INSC: variants seen among roughly 807,000 people sequenced by gnomAD.
The protein encoded by INSC is protein inscuteable homolog.
In INSC, 67 loss-of-function variants were observed where a neutral mutation model predicts 58.6. That is an observed-to-expected ratio of 1.14 (90% CI 0.94 to 1.40). The LOEUF (loss-of-function observed/expected upper bound fraction) is 1.40, where lower values mean the gene tolerates loss of function less well. Among genes scored for constraint, INSC ranks in the 40% most tolerant of loss-of-function variants. INSC has a pLI of 0.00. For synonymous variants in INSC, 262 were observed against 276.1 expected, an observed-to-expected ratio of 0.95 and a Z score of 0.51; for missense variants, 714 against 692.0, an observed-to-expected ratio of 1.03 and a Z score of -0.36.
chr11:15,181,553 A>G (rs369371498), intron 5 of INSC, among the ~76,000 whole-genome samples: 2 of 152,214 alleles, frequency 1.3e-5, no homozygotes, highest in East Asian at 3.9e-4. Context: ...AAAGAAACCC[A>G]GCTCCCCACA....
At chr11:15,118,786 GAGAT>G (rs1372233761) in intron 1 of INSC, among the ~76,000 whole-genome samples, 3 of 152,208 alleles carry the variant, frequency 2.0e-5, no homozygotes, top group African/African-American at 4.8e-5. Flanking sequence ...AGCATTGTGT[GAGAT>G]AGTTAGGACT....
At chr11:15,216,398 C>T (rs983316074) in intron 7 of INSC, among the ~76,000 whole-genome samples, 2 of 152,200 alleles carry the variant, frequency 1.3e-5, no homozygotes, top group Non-Finnish European at 2.9e-5. Flanking sequence ...CCCTCTCTAT[C>T]TCACTTTCTC....
chr11:15,200,858 G>T lies in INSC; in HGVS notation c.728G>T (p.Arg243Leu). The T allele has an allele frequency of 6.2e-7, 1 of 1,613,964 alleles. No individual in the cohort carries two copies. The highest frequency in any genetic ancestry group is 8.5e-7 in the Non-Finnish European group (1 of 1,179,998). ...GGVVALFKVC[R>L]QDSFRCLYPQ... is the part of the protein sequence containing the mutation. The stretch of plus-strand genomic sequence containing the variant: ...GTCGTAGCACTCTTCAAGGTTTGCC[G>T]GCAGGACAGTTTCCGGTGCTTGTAC... Residue 243 changes from arginine to leucine, a missense_variant, in exon 7 of 13, where the codon CGG (arginine) becomes CTG (leucine). Arg to Leu is a moderately radical substitution (Grantham distance 102, BLOSUM62 -2). Transcript: ENST00000379556.
rs765115884 is a variant in INSC, at chr11:15,221,645, G to A, written c.988G>A (p.Val330Ile). ...ESMEEIVTAL[V>I]KLCQEASSGE... ...CATGGAGGAGATCGTGACAGCCCTC[G>A]TCAGTGAGTCACCCTGGGCAGCGGG... Residue 330 changes from valine to isoleucine, a missense_variant, in exon 8 of 13, where the codon GTC becomes ATC. Physicochemically the swap from Val to Ile is conservative, Grantham distance 29. Transcript: ENST00000379556. The A allele has an allele frequency of 1.8e-5, 29 of 1,609,320 alleles. No individual in the cohort carries two copies. The African/African-American group carries it at 3.6e-4, about 20-fold the overall frequency.
chr11:15,132,219 C>T (rs1848141823), intron 1 of INSC, among the ~76,000 whole-genome samples: 1 of 152,116 alleles, frequency 6.6e-6, no homozygotes, highest in Admixed American at 6.5e-5. Context: ...TAGTCATATT[C>T]TTCTAAATTC....
intron 5 of INSC, among the ~76,000 whole-genome samples, chr11:15,178,821 C>T (rs1849664314): frequency 6.6e-6 from 1 of 152,188 alleles, no homozygotes; most frequent in Admixed American, 6.5e-5. Context: ...TCCCTGAGGT[C>T]TTTTGCTTTC....
chr11:15,150,322 T>G (rs535167996), intron 2 of INSC, among the ~76,000 whole-genome samples: 1 of 152,352 alleles, frequency 6.6e-6, no homozygotes, highest in African/African-American at 2.4e-5. Context: ...AGGCAGATAG[T>G]AGCAGCCATG....
rs144664939 is a variant in INSC, at chr11:15,235,470, G to A, written c.1171-132G>A. 90 of 747,866 alleles carry A rather than the reference G, an allele frequency of 1.2e-4. 1 individual carries two copies. The East Asian group carries it at 2.2e-3, about 18-fold the overall frequency. 46.3% of individuals were successfully genotyped at this position (747,866 alleles called of 1,614,324 possible). A position where few individuals can be genotyped will look rare whatever the true frequency, so the allele number is the denominator to read the frequency against. Reference sequence around the variant, plus strand: ...AGGATGGAAGAAAATGCCGTGGAAGGATAGGCCCGGTGGACAGGAAGGAGT... The same window carrying A: ...AGGATGGAAGAAAATGCCGTGGAAGAATAGGCCCGGTGGACAGGAAGGAGT... On this transcript the variant is annotated intron_variant, in intron 9 of 12. Coordinates refer to ENST00000379556, the MANE Select transcript of INSC (RefSeq NM_001042536.3).
At chr11:15,265,153 A>T in the INSC span, among the ~76,000 whole-genome samples, 3 of 152,134 alleles carry the variant, frequency 2.0e-5, no homozygotes, top group Admixed American at 6.6e-5. Flanking sequence ...AAATTAAAAT[A>T]TGTGACAATA....
intron 9 of INSC, among the ~76,000 whole-genome samples, chr11:15,231,110 C>G (rs909048850): frequency 6.6e-6 from 1 of 152,202 alleles, no homozygotes; most frequent in Non-Finnish European, 1.5e-5. Context: ...GAGGGCTATA[C>G]CTTCTCCTGG....
At chr11:15,180,277 A>G (rs1426896015) in intron 5 of INSC, among the ~76,000 whole-genome samples, 1 of 145,508 alleles carries the variant, frequency 6.9e-6, no homozygotes, top group East Asian at 1.9e-4. Context: ...AAACAAAACA[A>G]AACAAACAAA....
rs747025635 is a variant in INSC, at chr11:15,238,993, C to A, written c.1312C>A (p.Arg438=). Residue 438 remains arginine (R), a synonymous_variant, in exon 11 of 13, where the codon CGA becomes AGA. Transcript: ENST00000379556. The part of the protein sequence containing the change: ...GTPAEVAACE[R]VQQKAAVTLA... The stretch of plus-strand genomic sequence containing the variant: ...TCCTGCTGAAGTGGCAGCCTGTGAG[C>A]GAGTCCAGCAGAAAGCTGCAGTGAC... 2 of 1,614,168 alleles carry A rather than the reference C, an allele frequency of 1.2e-6. No individual in the cohort carries two copies. Among genetic ancestry groups the A allele is most frequent in the East Asian group, 4.5e-5 (2 of 44,870 alleles).
At chr11:15,113,614 CTGAGGCCCCTCTCAGGGAACT>C (rs1847625811), upstream of INSC, among the ~76,000 whole-genome samples, 1 of 152,174 alleles carries the variant, frequency 6.6e-6, no homozygotes, top group East Asian at 1.9e-4. Flanking sequence ...GAAACAGGAA[CTGAGGCCCCTCTCAGGGAACT>C]TGGGGAGTAG....
At chr11:15,177,271 G>T in intron 4 of INSC, 108 bp downstream of exon 4, 1 of 823,426 alleles carries the variant, frequency 1.2e-6, no homozygotes, top group Non-Finnish European at 2.0e-6. Context: ...GCGTGGTGGT[G>T]GTTTCAGAGT....
intron 6 of INSC, among the ~76,000 whole-genome samples, chr11:15,198,512 C>T (rs368450457): frequency 4.6e-5 from 7 of 152,102 alleles, no homozygotes; most frequent in African/African-American, 1.4e-4. Flanking sequence ...AGGCCTCATG[C>T]GTGTTCGTTG....
intron 1 of INSC, among the ~76,000 whole-genome samples, chr11:15,126,418 T>C (rs11023445): frequency 0.35 from 52,901 of 151,984 alleles, 10,144 homozygotes; most frequent in East Asian, 0.6. Flanking sequence ...GAAGACTGGG[T>C]TCTGGGAAGA....
chr11:15,246,423 T>A lies in INSC; in HGVS notation c.*383T>A, dbSNP rs1175770107. 6.5e-6 allele frequency: 1 copy of A among 154,534 alleles called. No individual in the cohort carries two copies. Among genetic ancestry groups the A allele is most frequent in the Non-Finnish European group, 1.4e-5 (1 of 69,394 alleles). 9.6% of individuals were successfully genotyped at this position (154,534 alleles called of 1,614,324 possible). On this transcript the variant is annotated 3_prime_UTR_variant, in exon 13 of 13. Transcript: ENST00000379556. The stretch of plus-strand genomic sequence containing the variant: ...CTGCCTAGCAAGTTTTTTTTTTAAG[T>A]TGGATTTGCTCTTCCCAAAAATCTA...
chr11:15,149,130 G>T lies in INSC; in HGVS notation c.-45G>T. ...GTGCCATCCTGCCCTCTATTTTCAG[G>T]GTCACGACCGCTGCAAGCAGGCTTT... is the stretch of plus-strand genomic sequence containing the variant. On this transcript the variant is annotated splice_region_variant and 5_prime_UTR_variant, in exon 2 of 13. It adds an upstream start codon to the 5' untranslated region. Transcript: ENST00000379556. 1.9e-6 allele frequency: 3 copies of T among 1,603,234 alleles called. No individual in the cohort carries two copies. Among genetic ancestry groups the T allele is most frequent in the Non-Finnish European group, 1.7e-6 (2 of 1,174,988 alleles).
At chr11:15,113,356 T>C (rs1485371281), upstream of INSC, among the ~76,000 whole-genome samples, 2 of 152,042 alleles carry the variant, frequency 1.3e-5, no homozygotes, top group Non-Finnish European at 2.9e-5. Context: ...AGATGGGGTT[T>C]CACCATGTCG....
Sources: allele counts gnomAD v4.1 joint callset (sites outside exome capture counted in the v4.1 genomes callset), GRCh38; gene constraint gnomAD v4.1.1; transcripts MANE v1.5; gene names NCBI Gene and HGNC (gene_info 2026-07-23, HGNC 2026-07-21).